The following LRP1B variants were observed in gnomAD, a reference collection of about 807,000 sequenced individuals.
LRP1B encodes the protein low-density lipoprotein receptor-related protein 1B.
In LRP1B, 217 loss-of-function variants were observed where a neutral mutation model predicts 556.6. That is an observed-to-expected ratio of 0.39 (90% confidence interval 0.35 to 0.44). The LOEUF (loss-of-function observed/expected upper bound fraction) is 0.44. Among genes scored for constraint, LRP1B ranks in the 20% least tolerant of loss-of-function variants. The probability of loss-of-function intolerance (pLI) is 1.00; values close to 1 mark genes in which losing one functional copy is unlikely to be tolerated. For synonymous variants in LRP1B, 2,047 were observed against 1,865.8 expected (o/e 1.10, Z -2.50); for missense variants, 5,053 against 5,620.8 (o/e 0.90, Z 3.23).
At chr2:141,826,301 C>T (rs1370001363) in intron 1 of LRP1B, among the ~76,000 whole-genome samples, 1 of 149,220 alleles carries the variant, frequency 6.7e-6, no homozygotes, top group Non-Finnish European at 1.5e-5. Context: ...CTATATAATA[C>T]ATTTAATAAG....
intron 66 of LRP1B, among the ~76,000 whole-genome samples, chr2:140,416,684 T>C (rs761057887): frequency 1.3e-5 from 2 of 151,934 alleles, no homozygotes; most frequent in Admixed American, 6.6e-5. Flanking sequence ...GAGTGGCAAG[T>C]AACAAGCTGC....
intron 20 of LRP1B, among the ~76,000 whole-genome samples, chr2:140,939,479 ATATAT>A (rs1025214706): frequency 2.0e-5 from 3 of 148,278 alleles, no homozygotes; most frequent in African/African-American, 7.3e-5. Flanking sequence ...ACATTTATAA[ATATAT>A]TATAATAAAT....
chr2:141,818,961 C>G (rs912754198), intron 1 of LRP1B, among the ~76,000 whole-genome samples: 2 of 151,774 alleles, frequency 1.3e-5, no homozygotes, highest in Non-Finnish European at 2.9e-5. Flanking sequence ...AACTTTCTGG[C>G]CAGGTGCGGT....
intron 23 of LRP1B, among the ~76,000 whole-genome samples, chr2:140,888,970 A>AC (rs1201755794): frequency 2.6e-5 from 4 of 151,658 alleles, no homozygotes; most frequent in African/African-American, 9.7e-5. Flanking sequence ...CAAAAAAAAA[A>AC]AAAAAAAAAA....
rs1372040660 is a variant in LRP1B, at chr2:141,544,391, C to T, written c.206-63858G>A. Among the ~76,000 whole-genome samples, 93 of 84,872 alleles carry T rather than the reference C, an allele frequency of 1.1e-3. 1 individual carries two copies. Among genetic ancestry groups the T allele is most frequent in the East Asian group, 7.7e-3 (13 of 1,694 alleles). The allele number at this position is 84,872 out of a possible 152,430, so 55.7% of individuals were successfully genotyped here. ...TCTTCTTCTTCTTCTTCTCCTCCTCCTCCTCCTCCTCCTCCTCCTCCTTCT... is the reference window on the plus strand; with the variant it reads ...TCTTCTTCTTCTTCTTCTCCTCCTCTTCCTCCTCCTCCTCCTCCTCCTTCT... On this transcript the variant is annotated intron_variant, in intron 2 of 90. Transcript: ENST00000389484.
intron 27 of LRP1B, among the ~76,000 whole-genome samples, chr2:140,854,781 G>A (rs1692564194): frequency 1.3e-5 from 2 of 152,120 alleles, no homozygotes; most frequent in African/African-American, 4.8e-5. Context: ...GGCCCACAAA[G>A]CCTTATAATA....
chr2:141,867,246 G>C (rs1020774424), intron 1 of LRP1B, among the ~76,000 whole-genome samples: 3 of 151,868 alleles, frequency 2.0e-5, no homozygotes. Flanking sequence ...AACTTATTTC[G>C]CATCTTTGAA....
intron 83 of LRP1B, among the ~76,000 whole-genome samples, chr2:140,300,080 G>A (rs960035920): frequency 6.6e-6 from 1 of 152,098 alleles, no homozygotes. Context: ...GAGCTTTCAT[G>A]GTTTTGTCTC....
intron 26 of LRP1B, 91 bp from the exon 27 acceptor site, chr2:140,867,925 G>T (rs1338088661): frequency 1.5e-6 from 2 of 1,376,006 alleles, no homozygotes; most frequent in African/African-American, 1.5e-5. Flanking sequence ...TGACAAAAAA[G>T]GTATTTTATA....
At chr2:142,088,512 C>T (rs576205269) in intron 1 of LRP1B, among the ~76,000 whole-genome samples, 2 of 152,216 alleles carry the variant, frequency 1.3e-5, no homozygotes, top group South Asian at 4.2e-4. Flanking sequence ...TAGATTTAGA[C>T]AATACCTTAG....
At chr2:140,344,324 T>A (rs1681543750) in intron 77 of LRP1B, among the ~76,000 whole-genome samples, 2 of 151,596 alleles carry the variant, frequency 1.3e-5, no homozygotes, top group Admixed American at 1.3e-4. Flanking sequence ...GATGCCTGGC[T>A]CAAACCTAGG....
At chr2:140,961,743 ATTTCT>A (rs772138084) in intron 18 of LRP1B, among the ~76,000 whole-genome samples, 23 of 152,088 alleles carry the variant, frequency 1.5e-4, no homozygotes, top group African/African-American at 5.1e-4. Flanking sequence ...TGTGTAGTAC[ATTTCT>A]TTACTTGTAC....
intron 2 of LRP1B, among the ~76,000 whole-genome samples, chr2:141,616,879 T>C (rs986565650): frequency 1.3e-5 from 2 of 152,210 alleles, no homozygotes; most frequent in Admixed American, 6.5e-5. Context: ...AGCTCTTCAA[T>C]TGTAACTCTC....
chr2:140,715,684 C>A (rs1003429023), intron 37 of LRP1B, among the ~76,000 whole-genome samples: 1 of 151,854 alleles, frequency 6.6e-6, no homozygotes, highest in Non-Finnish European at 1.5e-5. Flanking sequence ...TAATTGAATA[C>A]CTAATTATGT....
At chr2:140,674,425 TC>T (rs1448154803) in intron 41 of LRP1B, among the ~76,000 whole-genome samples, 34 of 152,274 alleles carry the variant, frequency 2.2e-4, no homozygotes, top group African/African-American at 7.9e-4. Context: ...TCTATGAGAC[TC>T]CATCTACATA....
chr2:140,514,785 C>CA lies in LRP1B; in HGVS notation c.8150-14dup. 1 of 1,574,194 alleles carries CA rather than the reference C, an allele frequency of 6.4e-7. No homozygotes were observed. Among genetic ancestry groups the CA allele is most frequent in the Non-Finnish European group, 8.6e-7 (1 of 1,163,916 alleles). On this transcript the variant is annotated splice_polypyrimidine_tract_variant and intron_variant, in intron 50 of 90. Coordinates refer to ENST00000389484, the MANE Select transcript of LRP1B (RefSeq NM_018557.3). ...GAGCAAGAAGAATCTAGGAAACAAA[C>CA]AAAAGGAAAAAAAAAAATAGTTTGA...
intron 63 of LRP1B, among the ~76,000 whole-genome samples, chr2:140,445,612 A>T (rs977892776): frequency 6.6e-6 from 1 of 152,158 alleles, no homozygotes; most frequent in African/African-American, 2.4e-5. Context: ...TTATCATATT[A>T]TCTGGGAATA....
intron 2 of LRP1B, among the ~76,000 whole-genome samples, chr2:141,730,419 A>G (rs575559528): frequency 6.6e-6 from 1 of 152,240 alleles, no homozygotes; most frequent in South Asian, 2.1e-4. Context: ...CCAGGGAGAA[A>G]AAGGAAAAAA....
chr2:141,425,745 T>C (rs1422342558), intron 3 of LRP1B, among the ~76,000 whole-genome samples: 1 of 152,144 alleles, frequency 6.6e-6, no homozygotes, highest in Non-Finnish European at 1.5e-5. Flanking sequence ...TTCATTTCCT[T>C]TGCCCACTTT....
Sources: allele counts gnomAD v4.1 joint callset (sites outside exome capture counted in the v4.1 genomes callset), GRCh38; gene constraint gnomAD v4.1.1; transcripts MANE v1.5; gene names NCBI Gene and HGNC (gene_info 2026-07-23, HGNC 2026-07-21).